The following VPS35L variants were observed in gnomAD, a reference collection of about 807,000 sequenced individuals.
The protein encoded by VPS35L is VPS35 endosomal protein sorting factor like.
In VPS35L, 83 loss-of-function variants were observed where a neutral mutation model predicts 133.0. That is an observed-to-expected ratio of 0.62 (90% CI 0.52 to 0.75). VPS35L has a LOEUF of 0.75. VPS35L is among the 30% of genes least tolerant of loss of function. The pLI is 0.00. For missense variants in VPS35L, 1,083 were observed against 1,206.8 expected, an observed-to-expected ratio of 0.90 and a Z score of 1.52; for synonymous variants, 423 against 449.9, an observed-to-expected ratio of 0.94 and a Z score of 0.76.
intron 12 of VPS35L, among the ~76,000 whole-genome samples, chr16:19,612,694 A>C (rs987316272): frequency 1.1e-4 from 16 of 152,236 alleles, no homozygotes; most frequent in African/African-American, 3.9e-4. Context: ...CTCTTCTGCA[A>C]ATAATTCTGG....
intron 29 of VPS35L, among the ~76,000 whole-genome samples, chr16:19,694,853 A>C (rs1330726937): frequency 6.6e-6 from 1 of 152,016 alleles, no homozygotes; most frequent in Non-Finnish European, 1.5e-5. Flanking sequence ...TAAAAATACA[A>C]AAATTAGCCG....
chr16:19,615,210 C>G (rs1166810158), intron 12 of VPS35L, among the ~76,000 whole-genome samples: 1 of 152,078 alleles, frequency 6.6e-6, no homozygotes, highest in Non-Finnish European at 1.5e-5. Context: ...CTTTTTAGTT[C>G]TGTATTGATT....
intron 1 of VPS35L, 39 bp downstream of exon 1, chr16:19,555,785 G>T: frequency 6.5e-7 from 1 of 1,540,220 alleles, no homozygotes; most frequent in Middle Eastern, 2.2e-4. Flanking sequence ...GAGAGGGGCT[G>T]TCCTTACTTG....
intron 15 of VPS35L, 21 bp downstream of exon 15, chr16:19,626,244 A>G (rs1211578148): frequency 1.9e-6 from 3 of 1,583,882 alleles, no homozygotes; most frequent in Middle Eastern, 1.7e-4. Context: ...TAAGATTCAT[A>G]AAGCATGAGT....
intron 8 of VPS35L, among the ~76,000 whole-genome samples, chr16:19,593,799 C>T (rs1972116095): frequency 6.6e-6 from 1 of 152,092 alleles, no homozygotes; most frequent in Non-Finnish European, 1.5e-5. Flanking sequence ...CACCTGTAGT[C>T]CCAGCTACTT....
chr16:19,620,239 C>G (rs1016472948), intron 14 of VPS35L, among the ~76,000 whole-genome samples: 2 of 152,278 alleles, frequency 1.3e-5, no homozygotes, highest in Middle Eastern at 3.4e-3. Context: ...ATCTGGAGAT[C>G]ACCTTAAAAA....
intron 6 of VPS35L, among the ~76,000 whole-genome samples, chr16:19,581,095 G>A (rs1443086094): frequency 6.6e-6 from 1 of 152,098 alleles, no homozygotes; most frequent in African/African-American, 2.4e-5. Context: ...ACCCTGTCAT[G>A]TCTTATTGCT....
At chr16:19,646,792 G>A (rs886329098) in intron 23 of VPS35L, among the ~76,000 whole-genome samples, 1 of 152,146 alleles carries the variant, frequency 6.6e-6, no homozygotes, top group Non-Finnish European at 1.5e-5. Flanking sequence ...TTTGATGGGG[G>A]GTAGTCCACA....
At chr16:19,608,759 C>T (rs1057002637) in intron 10 of VPS35L, 11 of 534,886 alleles carry the variant, frequency 2.1e-5, no homozygotes, top group East Asian at 5.7e-5. Flanking sequence ...TATGAATCAA[C>T]GTATAACATT....
intron 1 of VPS35L, among the ~76,000 whole-genome samples, chr16:19,561,820 T>C (rs1449317538): frequency 6.6e-6 from 1 of 152,142 alleles, no homozygotes; most frequent in Non-Finnish European, 1.5e-5. Context: ...AAAGAAAAAC[T>C]ATTGGCTGGG....
chr16:19,569,665 C>T (rs560603071), intron 3 of VPS35L, 74 bp downstream of exon 3: 5 of 1,393,494 alleles, frequency 3.6e-6, no homozygotes, highest in Non-Finnish European at 3.8e-6. Flanking sequence ...TTTCTTGTGC[C>T]CTGCCCTTTT....
chr16:19,575,713 T>C (rs1057274183), intron 5 of VPS35L, among the ~76,000 whole-genome samples: 6 of 121,572 alleles, frequency 4.9e-5, no homozygotes, highest in Admixed American at 4.3e-4. Context: ...AAATACAAAA[T>C]TTTGCTGGGC....
At chr16:19,591,682 G>A (rs1201003587) in intron 7 of VPS35L, 108 bp from the exon 8 acceptor site, 14 of 785,126 alleles carry the variant, frequency 1.8e-5, no homozygotes, top group Non-Finnish European at 2.7e-5. Context: ...TTGGCACATA[G>A]TAAGTATCTC....
intron 4 of VPS35L, among the ~76,000 whole-genome samples, chr16:19,574,357 G>A (rs1029100711): frequency 2.0e-5 from 3 of 152,094 alleles, no homozygotes; most frequent in African/African-American, 4.8e-5. Context: ...TTGGGGTCCC[G>A]CAACACTTTT....
intron 1 of VPS35L, among the ~76,000 whole-genome samples, chr16:19,559,329 C>G (rs1003193373): frequency 6.6e-6 from 1 of 152,158 alleles, no homozygotes; most frequent in African/African-American, 2.4e-5. Context: ...GATCTGTGAA[C>G]CACATTTTGA....
chr16:19,620,603 A>G (rs757690094), intron 14 of VPS35L, among the ~76,000 whole-genome samples: 1 of 152,146 alleles, frequency 6.6e-6, no homozygotes, highest in Non-Finnish European at 1.5e-5. Flanking sequence ...GCATGCCTAT[A>G]CCAAAACATC....
In VPS35L at chr16:19,633,190, C is replaced by T; in HGVS notation, c.1635+18C>T. On this transcript the variant is annotated intron_variant, in intron 19 of 30. Coordinates refer to ENST00000417362, the MANE Select transcript of VPS35L (RefSeq NM_020314.7). The surrounding 1 kb of genome is among the most constrained non-coding windows in gnomAD (Gnocchi z 4.1). Reference sequence around the variant, plus strand: ...ACCCCCAGGTAACAGATTTGCATTTCTCATTTCAACATTGTTAGGAATTTT... The same window carrying T: ...ACCCCCAGGTAACAGATTTGCATTTTTCATTTCAACATTGTTAGGAATTTT... The T allele has an allele frequency of 6.2e-7, 1 of 1,608,066 alleles. No individual in the cohort carries two copies. Among genetic ancestry groups the T allele is most frequent in the Admixed American group, 1.7e-5 (1 of 60,008 alleles).
At position 19,628,675 on chromosome 16, in the gene VPS35L, G is replaced by A. The variant is rs1230710552; in HGVS notation, c.1422G>A (p.Leu474=). ...LFRSLGLNLA[L]ADPPESDRLQ... is the part of the protein sequence containing the mutation. ...GATCACTGGGATTAAACTTGGCCTT[G>A]GCTGATCCTCCTGAGAGTGACCGAC... is the stretch of plus-strand genomic sequence containing the variant. Residue 474 remains leucine, a synonymous_variant, in exon 17 of 31, where the codon TTG becomes TTA. Coordinates refer to ENST00000417362, the MANE Select transcript of VPS35L (RefSeq NM_020314.7). 4.4e-6 allele frequency: 7 copies of A among 1,603,688 alleles called. No homozygotes were observed. Among genetic ancestry groups the A allele is most frequent in the Non-Finnish European group, 6.0e-6 (7 of 1,173,382 alleles).
intron 24 of VPS35L, among the ~76,000 whole-genome samples, chr16:19,648,358 T>G (rs1974019342): frequency 6.6e-6 from 1 of 152,206 alleles, no homozygotes; most frequent in South Asian, 2.1e-4. Context: ...ACTTTGGTTT[T>G]ATTGATCTGT....
Sources: gnomAD v4.1 joint callset for allele counts (sites outside exome capture counted in the v4.1 genomes callset) on GRCh38, gnomAD v4.1.1 for gene constraint, Gnocchi (gnomAD v3.1) non-coding constraint, MANE v1.5 for transcripts, NCBI Gene and HGNC (gene_info 2026-07-23, HGNC 2026-07-21) for gene names.